Variants in SMC1A observed in about 807,000 individuals in gnomAD.
SMC1A encodes the protein structural maintenance of chromosomes 1A.
SMC1A carries 4 observed loss-of-function variants against 94.5 expected under a neutral mutation model. The ratio of observed to expected loss-of-function variants is 0.04; its 90% CI spans 0.02 to 0.10. The LOEUF (loss-of-function observed/expected upper bound fraction) is 0.10. Ranked by LOEUF, SMC1A falls within the 10% of genes least tolerant of loss-of-function variation. The pLI, the probability that SMC1A is intolerant of heterozygous loss-of-function variation, is 1.00. For missense variants in SMC1A, 304 were observed against 989.0 expected (o/e 0.31, Z 9.29); for synonymous variants, 345 against 347.7 (o/e 0.99, Z 0.09).
intron 19 of SMC1A, among the ~76,000 whole-genome samples, chrX:53,393,118 A>C (rs1353167684): frequency 8.9e-6 from 1 of 112,079 alleles, no homozygotes; most frequent in African/African-American, 3.2e-5. Flanking sequence ...GAAGTTCACA[A>C]GTACACAACA....
intron 5 of SMC1A, 40 bp downstream of exon 5, chrX:53,412,860 T>C (rs781974472): frequency 7.4e-6 from 9 of 1,211,365 alleles, no homozygotes; most frequent in Non-Finnish European, 1.0e-5. Context: ...GCACGGCCTC[T>C]TGGTTTCCCA....
Position 53,412,954 on chromosome X carries a change from T to C in SMC1A, c.800A>G (p.Lys267Arg). 8.4e-7 allele frequency: 1 copy of C among 1,193,536 alleles called. No homozygotes were observed. Among genetic ancestry groups the C allele is most frequent in the Non-Finnish European group, 1.1e-6 (1 of 879,373 alleles). Residue 267 changes from lysine (K) to arginine (R), a missense_variant, in exon 5 of 25, where the codon AAG becomes AGG. Lys to Arg is a conservative substitution (Grantham distance 26). Coordinates refer to ENST00000322213, the MANE Select transcript of SMC1A (RefSeq NM_006306.4). ...DKVEDELKEK[K>R]KELGKMMREQ... ...CCGCATCATTTTGCCCAGCTCCTTC[T>C]TCTTCTCCTTCAGTTCATCCTCCAC...
rs1239033094 is a variant in SMC1A at position 53,394,843 on chromosome X, A to T, written c.2908T>A (p.Ser970Thr). 16 of 1,196,446 alleles carry T rather than the reference A, an allele frequency of 1.3e-5. No homozygotes were observed. The highest frequency in any genetic ancestry group is 1.8e-5 in the Non-Finnish European group (16 of 887,751). ...AGGGCCTCTCGTGCATAGATACTGG[A>T]AATTCTCTGTGAACCACTCACTGAG... ...EDSVSGSQRI[S>T]SIYAREALIE... The change falls in exon 19 of 25, where the codon TCC (serine) becomes ACC (threonine). Residue 970 changes from serine (S) to threonine (T), a missense_variant. By Grantham distance (58) the Ser-to-Thr change is moderately conservative (BLOSUM62 1). Around this residue, in one of 11 missense-constraint regions of SMC1A, gnomAD observed 22 missense variants for 17.5 expected, o/e 1.26. Coordinates refer to ENST00000322213, the MANE Select transcript of SMC1A (RefSeq NM_006306.4).
chrX:53,396,441 G>A (rs1397072383), intron 17 of SMC1A, 31 bp downstream of exon 17: 12 of 1,208,290 alleles, frequency 9.9e-6, no homozygotes, highest in East Asian at 5.9e-5. Flanking sequence ...CTCTATCTAC[G>A]TCCTCCCACC....
chrX:53,390,973 C>CAAA (rs782771730), intron 19 of SMC1A, among the ~76,000 whole-genome samples: 12 of 34,325 alleles, frequency 3.5e-4, no homozygotes, highest in Non-Finnish European at 4.4e-4. Context: ...GACTCCGTCT[C>CAAA]AAAAAAAAAA....
chrX:53,412,124 C>T lies in SMC1A; in HGVS notation c.984G>A (p.Lys328=). The T allele has an allele frequency of 3.3e-6, 4 of 1,211,763 alleles. No homozygotes were observed. Among genetic ancestry groups the T allele is most frequent in the Non-Finnish European group, 3.4e-6 (3 of 895,400 alleles). The change falls in exon 6 of 25, where the codon AAG becomes AAA. Residue 328 remains lysine, a synonymous_variant. Transcript: ENST00000322213. ...SLQNAQKHYK[K]RKGDMDELEK... ...CCAGCTCATCCATGTCACCTTTACGCTTCTTGTAGTGCTTCTGAGCATTCT... is the reference window on the plus strand; with the variant it reads ...CCAGCTCATCCATGTCACCTTTACGTTTCTTGTAGTGCTTCTGAGCATTCT...
At chrX:53,397,537 TGCCTCTGC>T (rs1164872924) in intron 16 of SMC1A, among the ~76,000 whole-genome samples, 6 of 109,679 alleles carry the variant, frequency 5.5e-5, no homozygotes, top group Non-Finnish European at 1.1e-4. Context: ...GCTGAGATCG[TGCCTCTGC>T]ACTCTAAACA....
At chrX:53,390,853 G>A (rs1212542607) in intron 19 of SMC1A, among the ~76,000 whole-genome samples, 1 of 103,700 alleles carries the variant, frequency 9.6e-6, no homozygotes, top group African/African-American at 3.5e-5. Context: ...TTAGCTGGAC[G>A]CGATGGTGGG....
chrX:53,414,761 G>A lies in SMC1A; in HGVS notation c.408C>T (p.Phe136=). 1 of 1,191,588 alleles carries A rather than the reference G, an allele frequency of 8.4e-7. No individual in the cohort carries two copies. Among genetic ancestry groups the A allele is most frequent in the Non-Finnish European group, 1.1e-6 (1 of 877,078 alleles). The part of the protein sequence containing the change: ...ILIKARNFLV[F]QGAVESIAMK... ...AATAACTGTTAAAAACGCCCACCTG[G>A]AAAACGAGGAAGTTACGAGCTTTGA... The change falls in exon 3 of 25, where the codon TTC becomes TTT. Residue 136 remains phenylalanine (F), a synonymous_variant. Coordinates refer to ENST00000322213, the MANE Select transcript of SMC1A (RefSeq NM_006306.4).
Position 53,382,412 on chromosome X carries a change from G to GT in SMC1A, c.3286-30dup, listed in dbSNP as rs1556885995. 6 of 1,199,860 alleles carry GT rather than the reference G, an allele frequency of 5.0e-6. No homozygotes were observed. The South Asian group carries it at 1.1e-4, about 22-fold the overall frequency. ...GGGGAAGGCAGATGGGTCAGGATCTGTATCTGAGACTGGATGGAGATAGGG... is the reference window on the plus strand; with the variant it reads ...GGGGAAGGCAGATGGGTCAGGATCTGTTATCTGAGACTGGATGGAGATAGGG... On this transcript the variant is annotated intron_variant, in intron 21 of 24. Transcript: ENST00000322213.
At chrX:53,416,451 C>A (rs951360418) in intron 1 of SMC1A, among the ~76,000 whole-genome samples, 5 of 106,069 alleles carry the variant, frequency 4.7e-5, no homozygotes, top group African/African-American at 1.7e-4. Context: ...AGTGCAGTGG[C>A]GTGATCTCAG....
At chrX:53,389,668 T>C (rs1198876967) in intron 19 of SMC1A, among the ~76,000 whole-genome samples, 1 of 109,039 alleles carries the variant, frequency 9.2e-6, no homozygotes, top group Non-Finnish European at 1.9e-5. Flanking sequence ...AGGCGGAGGT[T>C]GCAGAGAGCT....
chrX:53,390,973 CAAAAAAAAAAAAA>C (rs782771730), intron 19 of SMC1A, among the ~76,000 whole-genome samples: 3 of 34,323 alleles, frequency 8.7e-5, no homozygotes, highest in African/African-American at 2.8e-4. Flanking sequence ...GACTCCGTCT[CAAAAAAAAAAAAA>C]AAAAAAAAAA....
intron 13 of SMC1A, 62 bp from the exon 14 acceptor site, chrX:53,403,955 A>C: frequency 1.3e-6 from 1 of 797,078 alleles, no homozygotes; most frequent in South Asian, 2.1e-5. Context: ...AGCTACCTTG[A>C]CTGCATTGGC....
intron 19 of SMC1A, among the ~76,000 whole-genome samples, chrX:53,394,235 T>C (rs2075641649): frequency 9.5e-6 from 1 of 105,715 alleles, no homozygotes. Context: ...TTATGTAAAG[T>C]GAAAGAGGGA....
intron 7 of SMC1A, among the ~76,000 whole-genome samples, chrX:53,410,414 A>G (rs782345276): frequency 1.8e-5 from 2 of 110,653 alleles, no homozygotes; most frequent in East Asian, 5.7e-4. Flanking sequence ...AACATGGTGA[A>G]ATCCCATCTC....
chrX:53,391,458 TAA>T (rs782035311), intron 19 of SMC1A, among the ~76,000 whole-genome samples: 52 of 89,483 alleles, frequency 5.8e-4, no homozygotes, highest in Admixed American at 6.1e-4. Flanking sequence ...GTCTCCACGT[TAA>T]AAAAAAAAAA....
intron 1 of SMC1A, chrX:53,422,162 G>C (rs1376624187): frequency 1.3e-6 from 1 of 788,531 alleles, no homozygotes; most frequent in Non-Finnish European, 1.8e-6. Context: ...GCGGGGAGCC[G>C]CGCGGCGGAG....
intron 1 of SMC1A, among the ~76,000 whole-genome samples, chrX:53,420,153 C>T (rs2075749106): frequency 8.9e-6 from 1 of 112,472 alleles, no homozygotes; most frequent in Non-Finnish European, 1.9e-5. Context: ...TATCACACCT[C>T]TGTGCCTTAG....
Sources: gnomAD v4.1 joint callset for allele counts (sites outside exome capture counted in the v4.1 genomes callset) on GRCh38, gnomAD v4.1.1 for gene constraint, gnomAD v4.1.1 regional missense constraint, MANE v1.5 for transcripts, NCBI Gene and HGNC (gene_info 2026-07-23, HGNC 2026-07-21) for gene names.